The following MCMBP variants were observed in gnomAD, a reference collection of about 807,000 sequenced individuals.
The protein encoded by MCMBP is minichromosome maintenance complex binding protein, also known as mini-chromosome maintenance complex-binding protein.
MCMBP carries 31 observed loss-of-function variants against 81.3 expected under a neutral mutation model. The ratio of observed to expected loss-of-function variants is 0.38; its 90% CI spans 0.29 to 0.51. The LOEUF (loss-of-function observed/expected upper bound fraction) is 0.51, where lower values mean the gene tolerates loss of function less well. Among genes scored for constraint, MCMBP ranks in the 20% least tolerant of loss-of-function variants. MCMBP has a pLI of 0.87. For synonymous variants in MCMBP, 267 were observed against 275.9 expected, an observed-to-expected ratio of 0.97 and a Z score of 0.32; for missense variants, 645 against 772.1, an observed-to-expected ratio of 0.84 and a Z score of 1.95.
intron 12 of MCMBP, among the ~76,000 whole-genome samples, chr10:119,838,220 A>C (rs118132581): frequency 0.022 from 3,290 of 148,360 alleles, 64 homozygotes; most frequent in Non-Finnish European, 0.035. Flanking sequence ...GCTCCATTAT[A>C]TAATATATAA....
At chr10:119,863,490 GGGA>G (rs1038551783) in intron 1 of MCMBP, among the ~76,000 whole-genome samples, 1 of 152,078 alleles carries the variant, frequency 6.6e-6, no homozygotes, top group Non-Finnish European at 1.5e-5. Flanking sequence ...CCAGCACTTT[GGGA>G]GGCCGAGGCG....
chr10:119,872,400 G>A (rs1330247813), intron 1 of MCMBP, 127 bp downstream of exon 1: 8 of 434,572 alleles, frequency 1.8e-5, no homozygotes, highest in Non-Finnish European at 2.4e-5. Context: ...TGCAGGCCCC[G>A]GGGCCCCGTC....
chr10:119,859,146 C>T lies in MCMBP; in HGVS notation c.180G>A (p.Leu60=), dbSNP rs1262508299. 3.1e-6 allele frequency: 5 copies of T among 1,613,756 alleles called. No homozygotes were observed. The highest frequency in any genetic ancestry group is 4.2e-6 in the Non-Finnish European group (5 of 1,179,862). The change falls in exon 3 of 16, where the codon TTG becomes TTA. Residue 60 remains leucine (L), a synonymous_variant. Transcript: ENST00000369077. ...PSLNEVPLHY[L]KPNSFVKFRC... is the part of the protein sequence containing the mutation. ...GAAATTTCACAAAACTATTAGGTTT[C>T]AAATAATGAAGGGGAACTTCGTTCA... is the stretch of plus-strand genomic sequence containing the variant.
At chr10:119,852,281 G>A (rs1377142307) in intron 6 of MCMBP, among the ~76,000 whole-genome samples, 2 of 151,660 alleles carry the variant, frequency 1.3e-5, no homozygotes, top group Non-Finnish European at 2.9e-5. Context: ...CTGAAGGGAA[G>A]TGGATAGCAC....
chr10:119,867,244 A>G (rs1204750420), intron 1 of MCMBP, among the ~76,000 whole-genome samples: 1 of 145,442 alleles, frequency 6.9e-6, no homozygotes, highest in African/African-American at 2.6e-5. Context: ...AGTGAGCCGA[A>G]ATCGCACCAC....
chr10:119,868,928 G>A (rs558112923), intron 1 of MCMBP, among the ~76,000 whole-genome samples: 119 of 152,272 alleles, frequency 7.8e-4, no homozygotes, highest in Admixed American at 1.9e-3. Flanking sequence ...GGTACGCAGT[G>A]ATAAAGTCTC....
At chr10:119,834,861 CAAA>C (rs71019725) in intron 14 of MCMBP, among the ~76,000 whole-genome samples, 1,815 of 67,198 alleles carry the variant, frequency 0.027, 6 homozygotes, top group Middle Eastern at 0.059. Context: ...GACCCTGTCT[CAAA>C]AAAAAAAAAA....
chr10:119,835,419 TAAAA>T, intron 14 of MCMBP, 117 bp downstream of exon 14: 1 of 907,740 alleles, frequency 1.1e-6, no homozygotes, highest in Non-Finnish European at 1.7e-6. Context: ...AACAGAGGAA[TAAAA>T]AAAGACATGA....
In MCMBP at chr10:119,859,102, A is replaced by G. The variant is rs1297069540; in HGVS notation, c.224T>C (p.Met75Thr). Residue 75 changes from methionine (M) to threonine (T), a missense_variant, in exon 3 of 16, where the codon ATG becomes ACG. Transcript: ENST00000369077. ...FVKFRCMIQDMFDPEFYMGVY... is the reference protein window; with the variant it reads ...FVKFRCMIQDTFDPEFYMGVY... ...TCCCATGTAAAACTCAGGGTCAAACATATCCTGAATCATGCAACGAAATTT... is the reference window on the plus strand; with the variant it reads ...TCCCATGTAAAACTCAGGGTCAAACGTATCCTGAATCATGCAACGAAATTT... The G allele has an allele frequency of 8.7e-6, 14 of 1,613,858 alleles. No homozygotes were observed. Among genetic ancestry groups the G allele is most frequent in the Middle Eastern group, 1.6e-4 (1 of 6,082 alleles).
intron 5 of MCMBP, among the ~76,000 whole-genome samples, chr10:119,855,690 A>G (rs1226940744): frequency 6.6e-6 from 1 of 152,182 alleles, no homozygotes; most frequent in African/African-American, 2.4e-5. Flanking sequence ...AAAAGGCTAG[A>G]AAAAGACCAA....
intron 8 of MCMBP, among the ~76,000 whole-genome samples, chr10:119,845,414 TA>T (rs1365711964): frequency 6.6e-6 from 1 of 151,920 alleles, no homozygotes; most frequent in Non-Finnish European, 1.5e-5. Flanking sequence ...ATGTTGTTAA[TA>T]AAAAAAATTA....
intron 5 of MCMBP, among the ~76,000 whole-genome samples, chr10:119,854,286 C>CCTGCCT (rs1436677422): frequency 2.6e-5 from 4 of 151,876 alleles, no homozygotes; most frequent in African/African-American, 9.7e-5. Flanking sequence ...AAGTGATCCT[C>CCTGCCT]CTGCCTCTGC....
At position 119,871,305 on chromosome 10, in the gene MCMBP, G is replaced by A. The variant is rs747474338; in HGVS notation, c.58+1222C>T. On this transcript the variant is annotated intron_variant, in intron 1 of 15. Coordinates refer to ENST00000369077, the MANE Select transcript of MCMBP (RefSeq NM_001256378.2). ...ACTAGGATTTAGTGGAGAAATATAT[G>A]CCCCTTCCTCAAAGCACCCTTGACT... Among the ~76,000 whole-genome samples, 3 of 151,458 alleles carry A rather than the reference G, an allele frequency of 2.0e-5. 1 individual carries two copies. Among genetic ancestry groups the A allele is most frequent in the Non-Finnish European group, 2.9e-5 (2 of 67,928 alleles).
chr10:119,872,025 G>C (rs1020347168), intron 1 of MCMBP, among the ~76,000 whole-genome samples: 1 of 152,212 alleles, frequency 6.6e-6, no homozygotes, highest in Non-Finnish European at 1.5e-5. Context: ...CTCTGAAAGA[G>C]AGAATGAGGG....
chr10:119,843,501 A>C, intron 8 of MCMBP, 75 bp from the exon 9 acceptor site: 1 of 1,437,140 alleles, frequency 7.0e-7, no homozygotes, highest in Non-Finnish European at 9.4e-7. Flanking sequence ...GCATCTTGGA[A>C]AACAAAATTA....
chr10:119,830,864 T>C lies in MCMBP; in HGVS notation c.*610A>G, dbSNP rs1852003978. ...TACCGGTCCATAAAATACAAAAGTCTGGGAACCACTGCCATGTACAAGTTT... is the reference window on the plus strand; with the variant it reads ...TACCGGTCCATAAAATACAAAAGTCCGGGAACCACTGCCATGTACAAGTTT... On this transcript the variant is annotated 3_prime_UTR_variant, in exon 16 of 16. Transcript: ENST00000369077. The C allele has an allele frequency of 6.6e-6, 1 of 152,652 alleles. No individual in the cohort carries two copies. The highest frequency in any genetic ancestry group is 1.9e-4 in the East Asian group (1 of 5,204). The allele number at this position is 152,652 out of a possible 1,614,324, so 9.5% of individuals were successfully genotyped here.
chr10:119,830,538 G>GTCATT lies in MCMBP; in HGVS notation c.*935_*936insAATGA. 6.6e-6 allele frequency: 1 copy of GTCATT among 152,278 alleles called. No homozygotes were observed. The highest frequency in any genetic ancestry group is 3.4e-3 in the Middle Eastern group (1 of 294). The allele number at this position is 152,278 out of a possible 1,614,324, so 9.4% of individuals were successfully genotyped here. On this transcript the variant is annotated 3_prime_UTR_variant, in exon 16 of 16. Coordinates refer to ENST00000369077, the MANE Select transcript of MCMBP (RefSeq NM_001256378.2). Reference sequence around the variant, plus strand: ...TTAAGAAAATAAAAACTTTCTAAAGGGGGTATTGCTTTTTAAGTTTCCTAT... The same window carrying GTCATT: ...TTAAGAAAATAAAAACTTTCTAAAGGTCATTGGGTATTGCTTTTTAAGTTTCCTAT...
intron 9 of MCMBP, chr10:119,842,837 T>G: frequency 2.5e-6 from 1 of 404,640 alleles, no homozygotes; most frequent in South Asian, 2.3e-5. Flanking sequence ...CCATCTCAGC[T>G]CACCGCAACC....
intron 6 of MCMBP, among the ~76,000 whole-genome samples, chr10:119,850,489 C>T (rs982735283): frequency 6.6e-6 from 1 of 152,118 alleles, no homozygotes. Context: ...GTGGCTCAAG[C>T]CTGTAATCCC....
Sources: gnomAD v4.1 joint callset for allele counts (sites outside exome capture counted in the v4.1 genomes callset) on GRCh38, gnomAD v4.1.1 for gene constraint, MANE v1.5 for transcripts, NCBI Gene and HGNC (gene_info 2026-07-23, HGNC 2026-07-21) for gene names.